CREBL2: variants seen among roughly 807,000 people sequenced by gnomAD.
CREBL2 encodes cAMP-responsive element-binding protein-like 2.
A neutral mutation model predicts 19.5 loss-of-function variants in CREBL2; 4 were observed. That is an observed-to-expected ratio of 0.20 (90% CI 0.10 to 0.47). The LOEUF (loss-of-function observed/expected upper bound fraction) is 0.47. CREBL2 is among the 20% of genes least tolerant of loss of function. The pLI, the probability that CREBL2 is intolerant of heterozygous loss-of-function variation, is 0.98. For missense variants in CREBL2, 85 were observed against 145.1 expected (o/e 0.59, Z 2.13); for synonymous variants, 42 against 46.6 (o/e 0.90, Z 0.40).
chr12:12,620,504 A>G (rs1945351353), intron 1 of CREBL2, among the ~76,000 whole-genome samples: 1 of 152,224 alleles, frequency 6.6e-6, no homozygotes, highest in Non-Finnish European at 1.5e-5. Flanking sequence ...TGCTGAGATT[A>G]CGGACATGAG....
Position 12,637,987 on chromosome 12 carries a change from G to A in CREBL2, c.358+273G>A, listed in dbSNP as rs138574668. 1.9e-3 allele frequency among the ~76,000 whole-genome samples: 296 copies of A among 152,064 alleles called. 2 individuals are homozygous for A. Among genetic ancestry groups the A allele is most frequent in the African/African-American group, 6.9e-3 (288 of 41,472 alleles). On this transcript the variant is annotated intron_variant, in intron 3 of 3. Transcript: ENST00000228865. Reference sequence around the variant, plus strand: ...AGCCCAGGGATGTTGAGGCTGCGGTGAGCCATGATCATGAAACCCTGTCTC... The same window carrying A: ...AGCCCAGGGATGTTGAGGCTGCGGTAAGCCATGATCATGAAACCCTGTCTC...
intron 1 of CREBL2, among the ~76,000 whole-genome samples, chr12:12,617,275 C>T (rs1016519640): frequency 2.6e-5 from 4 of 152,144 alleles, no homozygotes; most frequent in Non-Finnish European, 4.4e-5. Context: ...AACCAGCCAG[C>T]ACATACTTAC....
chr12:12,615,135 C>G (rs564045515), intron 1 of CREBL2, among the ~76,000 whole-genome samples: 2 of 152,316 alleles, frequency 1.3e-5, no homozygotes, highest in African/African-American at 4.8e-5. Flanking sequence ...CTGCGTCAGC[C>G]TCCTGAGTAG....
intron 1 of CREBL2, chr12:12,615,433 G>C (rs1178866192): frequency 6.6e-6 from 1 of 151,928 alleles, no homozygotes; most frequent in African/African-American, 2.4e-5. Flanking sequence ...CTGACCTCAG[G>C]TGATCTGTGT....
At chr12:12,640,864 A>G (rs1012463125) in intron 3 of CREBL2, among the ~76,000 whole-genome samples, 8 of 152,154 alleles carry the variant, frequency 5.3e-5, no homozygotes, top group African/African-American at 1.9e-4. Flanking sequence ...TTGATACACA[A>G]AATATTTTAA....
At chr12:12,637,504 A>T in intron 2 of CREBL2, 66 bp from the exon 3 acceptor site, 2 of 1,071,812 alleles carry the variant, frequency 1.9e-6, no homozygotes, top group Non-Finnish European at 2.4e-6. Flanking sequence ...CTGAACTCTG[A>T]CAAGTAAAAG....
intron 1 of CREBL2, among the ~76,000 whole-genome samples, chr12:12,623,183 G>C (rs1417405399): frequency 6.9e-6 from 1 of 144,422 alleles, no homozygotes; most frequent in East Asian, 2.0e-4. Flanking sequence ...AAATATTGCT[G>C]ATTTTTCTTT....
In CREBL2 at chr12:12,642,318, T is replaced by C. The variant is rs549211309; in HGVS notation, c.*320T>C. ...TGTATTTTTGCACCTTAACTCCACA[T>C]TGCTTTATTGGTTAATTTATATTCT... On this transcript the variant is annotated 3_prime_UTR_variant, in exon 4 of 4. Transcript: ENST00000228865. The C allele has an allele frequency of 3.8e-4, 87 of 229,012 alleles. No individual in the cohort carries two copies. The highest frequency in any genetic ancestry group is 1.6e-3 in the African/African-American group (72 of 44,576). The allele number at this position is 229,012 out of a possible 1,614,324, so 14.2% of individuals were successfully genotyped here. A position where few individuals can be genotyped will look rare whatever the true frequency, so the allele number is the denominator to read the frequency against.
intron 1 of CREBL2, 44 bp downstream of exon 1, chr12:12,612,231 A>G: frequency 6.2e-7 from 1 of 1,613,154 alleles, no homozygotes; most frequent in African/African-American, 1.3e-5. Context: ...CTTGTCGCTC[A>G]ATGCTAGTCC....
chr12:12,624,912 C>G (rs1945389341), intron 1 of CREBL2, among the ~76,000 whole-genome samples: 2 of 152,150 alleles, frequency 1.3e-5, no homozygotes, highest in African/African-American at 4.8e-5. Flanking sequence ...GAAAGTAGTT[C>G]TCAGCAGGAG....
intron 1 of CREBL2, among the ~76,000 whole-genome samples, chr12:12,617,145 G>A (rs1052961769): frequency 6.6e-5 from 10 of 152,174 alleles, no homozygotes; most frequent in African/African-American, 2.4e-4. Context: ...TTCTAGCAGT[G>A]TGCCTAATAC....
chr12:12,629,365 C>G (rs1179649011), intron 1 of CREBL2, among the ~76,000 whole-genome samples: 1 of 151,936 alleles, frequency 6.6e-6, no homozygotes, highest in African/African-American at 2.4e-5. Flanking sequence ...GTATTGTATT[C>G]TTTTTTAGGC....
chr12:12,622,080 A>T lies in CREBL2; in HGVS notation c.15+9893A>T, dbSNP rs73065415. 5.4e-3 allele frequency among the ~76,000 whole-genome samples: 826 copies of T among 152,284 alleles called. 2 individuals carry two copies. Among genetic ancestry groups the T allele is most frequent in the Non-Finnish European group, 9.3e-3 (631 of 68,012 alleles). ...TGGACAGATTATTTAATCTCTTCAG[A>T]TATTACTTTCTTCAGATACGGATTG... On this transcript the variant is annotated intron_variant, in intron 1 of 3. Transcript: ENST00000228865.
chr12:12,618,016 C>G (rs1188978317), intron 1 of CREBL2, among the ~76,000 whole-genome samples: 1 of 152,122 alleles, frequency 6.6e-6, no homozygotes, highest in African/African-American at 2.4e-5. Context: ...CATCCCAAGG[C>G]AGAAGAATTC....
intron 1 of CREBL2, among the ~76,000 whole-genome samples, chr12:12,621,857 G>A (rs1945362524): frequency 6.6e-6 from 1 of 152,208 alleles, no homozygotes; most frequent in Admixed American, 6.5e-5. Flanking sequence ...CCATTGAAGG[G>A]TTTTAAAGCA....
intron 1 of CREBL2, among the ~76,000 whole-genome samples, chr12:12,619,960 C>A (rs1945347629): frequency 6.6e-6 from 1 of 152,216 alleles, no homozygotes; most frequent in African/African-American, 2.4e-5. Flanking sequence ...TCTTCTGATT[C>A]TTTCCAGTTC....
chr12:12,636,289 T>TCACAA (rs1945474609), intron 2 of CREBL2, among the ~76,000 whole-genome samples: 1 of 152,162 alleles, frequency 6.6e-6, no homozygotes, highest in Admixed American at 6.6e-5. Flanking sequence ...CCAGTAAAAA[T>TCACAA]CACAATGCAC....
At chr12:12,617,919 G>A (rs1481319156) in intron 1 of CREBL2, among the ~76,000 whole-genome samples, 2 of 151,630 alleles carry the variant, frequency 1.3e-5, no homozygotes, top group Non-Finnish European at 2.9e-5. Context: ...AGCACATCTT[G>A]CACTGCCCTT....
At chr12:12,624,625 T>C (rs900132935) in intron 1 of CREBL2, among the ~76,000 whole-genome samples, 4 of 152,312 alleles carry the variant, frequency 2.6e-5, no homozygotes, top group African/African-American at 7.2e-5. Flanking sequence ...AATGGCAGCA[T>C]CCAGGTAGGG....
Sources: allele counts gnomAD v4.1 joint callset (sites outside exome capture counted in the v4.1 genomes callset), GRCh38; gene constraint gnomAD v4.1.1; transcripts MANE v1.5; gene names NCBI Gene and HGNC (gene_info 2026-07-23, HGNC 2026-07-21).